The following DNAAF9 variants were observed in gnomAD, a reference collection of about 807,000 sequenced individuals.
DNAAF9 encodes dynein axonemal assembly factor 9, also known as shulin.
Under a neutral mutation model 167.0 loss-of-function variants are expected in DNAAF9, and 90 were observed. The ratio of observed to expected loss-of-function variants is 0.54; its 90% CI spans 0.45 to 0.64. DNAAF9 has a LOEUF of 0.64. Ranked by LOEUF, DNAAF9 falls within the 30% of genes least tolerant of loss-of-function variation. The pLI, the probability that DNAAF9 is intolerant of heterozygous loss-of-function variation, is 0.00. For synonymous variants in DNAAF9, 491 were observed against 508.8 expected, an observed-to-expected ratio of 0.96 and a Z score of 0.47; for missense variants, 1,315 against 1,442.2, an observed-to-expected ratio of 0.91 and a Z score of 1.43.
chr20:3,405,391 G>A (rs771212120), intron 1 of DNAAF9, among the ~76,000 whole-genome samples: 11 of 152,146 alleles, frequency 7.2e-5, no homozygotes, highest in Non-Finnish European at 1.3e-4. Context: ...AGCCATATAT[G>A]GGTGACAGGA....
At chr20:3,374,225 A>G in intron 5 of DNAAF9, 71 bp from the exon 6 acceptor site, 1 of 985,348 alleles carries the variant, frequency 1.0e-6, no homozygotes, top group Non-Finnish European at 1.6e-6. Flanking sequence ...CTGACCTAAC[A>G]TGGTTAGACA....
At chr20:3,319,506 A>T (rs1464192895) in intron 16 of DNAAF9, among the ~76,000 whole-genome samples, 1 of 152,192 alleles carries the variant, frequency 6.6e-6, no homozygotes, top group Non-Finnish European at 1.5e-5. Context: ...TGTGATGACC[A>T]GGAAGATCTG....
rs11908386 is a variant in DNAAF9 at position 3,318,818 on chromosome 20, C to T, written c.1357-418G>A. 3.2e-3 allele frequency among the ~76,000 whole-genome samples: 486 copies of T among 152,174 alleles called. 2 individuals are homozygous for T. Among genetic ancestry groups the T allele is most frequent in the African/African-American group, 0.011 (455 of 41,522 alleles). ...ATTAGGCTAGGCATAATGACTCATG[C>T]CCATAATCCCAACACTTTGGGAGGT... is the stretch of plus-strand genomic sequence containing the variant. On this transcript the variant is annotated intron_variant, in intron 16 of 36. Transcript: ENST00000252032.
chr20:3,306,985 C>T (rs1327774485), intron 20 of DNAAF9: 3 of 985,248 alleles, frequency 3.0e-6, no homozygotes, highest in African/African-American at 3.5e-5. Context: ...GGGTATCCCT[C>T]TACATTTGTA....
intron 29 of DNAAF9, among the ~76,000 whole-genome samples, chr20:3,272,761 A>T (rs1600685114): frequency 6.6e-6 from 1 of 152,178 alleles, no homozygotes; most frequent in South Asian, 2.1e-4. Flanking sequence ...TTCTATACTT[A>T]AAAAAGATTC....
Position 3,375,371 on chromosome 20 carries a change from C to T in DNAAF9, c.409-245G>A, listed in dbSNP as rs1016553564. Reference sequence around the variant, plus strand: ...GGAAACCTAAATGCAAGAGATAACACTTTTCCCCCAAAAAATTCCGCCAAA... The same window carrying T: ...GGAAACCTAAATGCAAGAGATAACATTTTTCCCCCAAAAAATTCCGCCAAA... On this transcript the variant is annotated intron_variant, in intron 4 of 36. Coordinates refer to ENST00000252032, the MANE Select transcript of DNAAF9 (RefSeq NM_001009984.3). Among the ~76,000 whole-genome samples, 4 of 152,242 alleles carry T rather than the reference C, an allele frequency of 2.6e-5. 1 individual carries two copies. Among genetic ancestry groups the T allele is most frequent in the African/African-American group, 7.2e-5 (3 of 41,544 alleles).
intron 10 of DNAAF9, among the ~76,000 whole-genome samples, chr20:3,334,446 C>T (rs2069899246): frequency 6.6e-6 from 1 of 152,178 alleles, no homozygotes; most frequent in East Asian, 1.9e-4. Context: ...CTTTTTATCC[C>T]TAAATAGCAT....
At chr20:3,255,428 C>G in intron 34 of DNAAF9, 144 bp from the exon 35 acceptor site, 2 of 596,392 alleles carry the variant, frequency 3.4e-6, no homozygotes, top group South Asian at 2.0e-5. Flanking sequence ...AATATTCTGT[C>G]TAGTCTGCTC....
intron 4 of DNAAF9, among the ~76,000 whole-genome samples, chr20:3,375,660 G>C (rs2083565840): frequency 6.6e-6 from 1 of 152,122 alleles, no homozygotes; most frequent in Non-Finnish European, 1.5e-5. Context: ...AGGAGTTTGA[G>C]ACCAGTCTGA....
At chr20:3,264,609 C>T (rs1173662873) in intron 30 of DNAAF9, 85 bp from the exon 31 acceptor site, 5 of 761,848 alleles carry the variant, frequency 6.6e-6, no homozygotes, top group Non-Finnish European at 9.2e-6. Context: ...CTCGCTCTGT[C>T]GCCAGGCTGG....
chr20:3,316,808 C>T lies in DNAAF9; in HGVS notation c.1469-15G>A. ...AACAGTGCCATCTGCAGGAACACCA[C>T]ACACATGCCAGTTAATTCCCTACCA... On this transcript the variant is annotated splice_polypyrimidine_tract_variant and intron_variant, in intron 17 of 36. Transcript: ENST00000252032. 1 of 1,605,076 alleles carries T rather than the reference C, an allele frequency of 6.2e-7. No homozygotes were observed. The highest frequency in any genetic ancestry group is 8.5e-7 in the Non-Finnish European group (1 of 1,172,498).
Position 3,255,471 on chromosome 20 carries a change from T to C in DNAAF9, c.3262-187A>G, listed in dbSNP as rs149668205. Among the ~76,000 whole-genome samples the C allele has an allele frequency of 5.3e-5, 8 of 152,200 alleles. No homozygotes were observed. The East Asian group carries it at 1.4e-3, about 26-fold the overall frequency. On this transcript the variant is annotated intron_variant, in intron 34 of 36. Coordinates refer to ENST00000252032, the MANE Select transcript of DNAAF9 (RefSeq NM_001009984.3). ...AAACCACTTTCCCATCACAGAGCCCTGTGAGCCAGCAGGGAACAAGCAGCA... is the reference window on the plus strand; with the variant it reads ...AAACCACTTTCCCATCACAGAGCCCCGTGAGCCAGCAGGGAACAAGCAGCA...
chr20:3,359,476 C>T (rs763672085), intron 7 of DNAAF9, 40 bp downstream of exon 7: 9 of 1,297,884 alleles, frequency 6.9e-6, no homozygotes, highest in East Asian at 2.3e-5. Flanking sequence ...CTGAGCTGGA[C>T]GTAATACTAA....
intron 10 of DNAAF9, among the ~76,000 whole-genome samples, chr20:3,338,973 T>G (rs2123107058): frequency 6.6e-6 from 1 of 152,178 alleles, no homozygotes; most frequent in South Asian, 2.1e-4. Flanking sequence ...ATGATTTTTT[T>G]TTTCTCTCAT....
intron 21 of DNAAF9, 76 bp from the exon 22 acceptor site, chr20:3,298,251 C>T: frequency 8.5e-7 from 1 of 1,181,464 alleles, no homozygotes; most frequent in Non-Finnish European, 1.2e-6. Flanking sequence ...TGCCAGAACA[C>T]ACAGGATCAA....
chr20:3,295,992 C>T, intron 23 of DNAAF9: 1 of 1,514,670 alleles, frequency 6.6e-7, no homozygotes, highest in African/African-American at 1.4e-5. Context: ...TTGGGAGGCA[C>T]CATGTTGTAC....
At chr20:3,270,333 A>T in intron 30 of DNAAF9, 94 bp downstream of exon 30, 1 of 1,189,178 alleles carries the variant, frequency 8.4e-7, no homozygotes, top group Non-Finnish European at 1.2e-6. Flanking sequence ...CCAAATGTTT[A>T]GGTCTTAGAT....
At chr20:3,302,742 A>C (rs1402732081) in intron 21 of DNAAF9, among the ~76,000 whole-genome samples, 1 of 152,206 alleles carries the variant, frequency 6.6e-6, no homozygotes, top group Non-Finnish European at 1.5e-5. Flanking sequence ...GCAAACTAAT[A>C]TATAGGGACA....
chr20:3,301,723 T>C (rs1317729369), intron 21 of DNAAF9, among the ~76,000 whole-genome samples: 1 of 152,174 alleles, frequency 6.6e-6, no homozygotes, highest in Non-Finnish European at 1.5e-5. Flanking sequence ...AAGTTACTGT[T>C]ACATATGATA....
Sources: gnomAD v4.1 joint callset for allele counts (sites outside exome capture counted in the v4.1 genomes callset) on GRCh38, gnomAD v4.1.1 for gene constraint, MANE v1.5 for transcripts, NCBI Gene and HGNC (gene_info 2026-07-23, HGNC 2026-07-21) for gene names.